Variants in LAMC1 observed in about 807,000 individuals in gnomAD.
The protein encoded by LAMC1 is laminin subunit gamma 1, also known as laminin subunit gamma-1.
Under a neutral mutation model 173.6 loss-of-function variants are expected in LAMC1, and 38 were observed. The ratio of observed to expected loss-of-function variants is 0.22; its 90% CI spans 0.17 to 0.29. The LOEUF (loss-of-function observed/expected upper bound fraction) is 0.29, where lower values mean the gene tolerates loss of function less well. LAMC1 is among the 10% of genes least tolerant of loss of function. The pLI is 1.00. For synonymous variants in LAMC1, 746 were observed against 749.1 expected, an observed-to-expected ratio of 1.00 and a Z score of 0.07; for missense variants, 1,824 against 2,051.8, an observed-to-expected ratio of 0.89 and a Z score of 2.14.
intron 1 of LAMC1, among the ~76,000 whole-genome samples, chr1:183,067,525 G>C (rs573919897): frequency 9.2e-5 from 14 of 152,232 alleles, no homozygotes; most frequent in Non-Finnish European, 2.1e-4. Context: ...GTCTCGCTCT[G>C]TCACCCAGGC....
In LAMC1 at chr1:183,117,313, C is replaced by T. The variant is rs567569452; in HGVS notation, c.1565-7C>T. 3.9e-5 allele frequency: 63 copies of T among 1,599,098 alleles called. No individual in the cohort carries two copies. The highest frequency in any genetic ancestry group is 4.9e-5 in the Non-Finnish European group (57 of 1,168,402). ...AAAGTGCTTGTGTTTTCCTTCTCTA[C>T]CTGCAGATGAGGATGGGTGGCGTGC... On this transcript the variant is annotated splice_region_variant and splice_polypyrimidine_tract_variant and intron_variant, in intron 8 of 27. Coordinates refer to ENST00000258341, the MANE Select transcript of LAMC1 (RefSeq NM_002293.4).
At chr1:183,091,106 C>T (rs774091508) in intron 1 of LAMC1, among the ~76,000 whole-genome samples, 1 of 152,088 alleles carries the variant, frequency 6.6e-6, no homozygotes, top group African/African-American at 2.4e-5. Flanking sequence ...TCTGAATGGA[C>T]TTCCTTCTGC....
At position 183,128,736 on chromosome 1, in the gene LAMC1, C is replaced by A. The variant is rs749786959; in HGVS notation, c.3266C>A (p.Ala1089Asp). 5 of 1,612,748 alleles carry A rather than the reference C, an allele frequency of 3.1e-6. No homozygotes were observed. The highest frequency in any genetic ancestry group is 4.2e-6 in the Non-Finnish European group (5 of 1,179,098). The change falls in exon 18 of 28, where the codon GCC becomes GAC. Residue 1089 changes from alanine to aspartate, a missense_variant. Ala to Asp is a moderately radical substitution (Grantham distance 126, BLOSUM62 -2). Transcript: ENST00000258341. ...EREVMDLLRE[A>D]QDVKDVDQNL... Reference sequence around the variant, plus strand: ...GAAGTTATGGACCTCCTTCGTGAGGCCCAGGATGTCAAAGGTACGCATGAT... The same window carrying A: ...GAAGTTATGGACCTCCTTCGTGAGGACCAGGATGTCAAAGGTACGCATGAT...
At chr1:183,072,290 A>G (rs896205936) in intron 1 of LAMC1, among the ~76,000 whole-genome samples, 2 of 152,212 alleles carry the variant, frequency 1.3e-5, no homozygotes, top group African/African-American at 2.4e-5. Flanking sequence ...GCATGGGGAC[A>G]TTTAATTCAA....
chr1:183,078,132 GT>G (rs960583874), intron 1 of LAMC1, among the ~76,000 whole-genome samples: 2 of 152,034 alleles, frequency 1.3e-5, no homozygotes, highest in Non-Finnish European at 2.9e-5. Flanking sequence ...GTATCCTGTT[GT>G]TTTCTGCATC....
At chr1:183,070,322 G>T (rs1654979681) in intron 1 of LAMC1, among the ~76,000 whole-genome samples, 1 of 152,118 alleles carries the variant, frequency 6.6e-6, no homozygotes, top group Non-Finnish European at 1.5e-5. Flanking sequence ...TAAGTAAAGG[G>T]ACAGGGACCA....
chr1:183,059,876 TGTAG>T, intron 1 of LAMC1, among the ~76,000 whole-genome samples: 1 of 152,338 alleles, frequency 6.6e-6, no homozygotes, highest in Middle Eastern at 3.4e-3. Flanking sequence ...TTTCTCTGAC[TGTAG>T]GTTCCTTGAT....
At chr1:183,040,264 G>T (rs1654092314) in intron 1 of LAMC1, among the ~76,000 whole-genome samples, 1 of 152,194 alleles carries the variant, frequency 6.6e-6, no homozygotes, top group African/African-American at 2.4e-5. Context: ...CAACTGCCTG[G>T]TTACTTCCTC....
intron 1 of LAMC1, among the ~76,000 whole-genome samples, chr1:183,045,929 G>A (rs933165557): frequency 4.6e-5 from 7 of 151,770 alleles, no homozygotes; most frequent in Non-Finnish European, 8.8e-5. Context: ...TTTCCTCTCC[G>A]CAAAATGTCT....
chr1:183,090,105 C>T (rs1655527573), intron 1 of LAMC1, among the ~76,000 whole-genome samples: 1 of 152,094 alleles, frequency 6.6e-6, no homozygotes, highest in South Asian at 2.1e-4. Flanking sequence ...TCTATAAAAC[C>T]AATTCCTCTG....
At position 183,103,571 on chromosome 1, in the gene LAMC1, C is replaced by T; in HGVS notation, c.662C>T (p.Ala221Val). The stretch of plus-strand genomic sequence containing the variant: ...TCTCCCCTCACTGGGGGCAACGTGG[C>T]CTTTTCTACCCTGGAAGGAAGGCCC... ...DISPLTGGNVAFSTLEGRPSA... is the reference protein window; with the variant it reads ...DISPLTGGNVVFSTLEGRPSA... The change falls in exon 2 of 28, where the codon GCC becomes GTC. Residue 221 changes from alanine to valine, a missense_variant. Ala to Val is a moderately conservative substitution (Grantham distance 64, BLOSUM62 0). Coordinates refer to ENST00000258341, the MANE Select transcript of LAMC1 (RefSeq NM_002293.4). 6.2e-7 allele frequency: 1 copy of T among 1,610,392 alleles called. No individual in the cohort carries two copies. The highest frequency in any genetic ancestry group is 8.5e-7 in the Non-Finnish European group (1 of 1,177,896).
At chr1:183,117,501 A>T in intron 9 of LAMC1, 33 bp from the exon 10 acceptor site, 1 of 1,611,910 alleles carries the variant, frequency 6.2e-7, no homozygotes, top group Non-Finnish European at 8.5e-7. Flanking sequence ...TCTCAGTCTC[A>T]CATTCTTGCC....
intron 1 of LAMC1, among the ~76,000 whole-genome samples, chr1:183,052,409 A>G (rs907059431): frequency 3.3e-5 from 5 of 151,740 alleles, no homozygotes; most frequent in South Asian, 2.1e-4. Flanking sequence ...TCTCGGCTCA[A>G]TGCAACCTCT....
intron 4 of LAMC1, among the ~76,000 whole-genome samples, chr1:183,111,378 C>T (rs552993961): frequency 1.3e-5 from 2 of 152,184 alleles, no homozygotes; most frequent in Admixed American, 6.5e-5. Context: ...GGAGCCACTG[C>T]GCCTGGCCGC....
intron 11 of LAMC1, among the ~76,000 whole-genome samples, chr1:183,120,192 G>GAAAAAAAA (rs1553257453): frequency 1.5e-5 from 2 of 137,540 alleles, no homozygotes; most frequent in African/African-American, 2.6e-5. Flanking sequence ...AAAAAAAAAG[G>GAAAAAAAA]TGGCGGGGTG....
At chr1:183,128,951 G>T in intron 18 of LAMC1, 1 of 324,464 alleles carries the variant, frequency 3.1e-6, no homozygotes, top group East Asian at 5.0e-5. Context: ...GTAAGCATAG[G>T]GTGATTTTCC....
chr1:183,137,626 G>T (rs1390981618), intron 25 of LAMC1, 43 bp from the exon 26 acceptor site: 2 of 1,429,616 alleles, frequency 1.4e-6, no homozygotes, highest in East Asian at 2.5e-5. Flanking sequence ...TTGAGAAAAA[G>T]GAAAGCTTTT....
At chr1:183,119,640 T>G (rs1656415491) in intron 11 of LAMC1, among the ~76,000 whole-genome samples, 1 of 151,756 alleles carries the variant, frequency 6.6e-6, no homozygotes, top group Non-Finnish European at 1.5e-5. Context: ...GAGGCTGAGG[T>G]GAGAGGATCA....
Position 183,114,613 on chromosome 1 carries a change from C to G in LAMC1, c.1104C>G (p.Thr368=). 11 of 1,614,162 alleles carry G rather than the reference C, an allele frequency of 6.8e-6. No homozygotes were observed. The highest frequency in any genetic ancestry group is 9.3e-6 in the Non-Finnish European group (11 of 1,180,034). Reference sequence around the variant, plus strand: ...CCACTGGCCATGGGGGCCACTGTACCAACTGCCAGGATAACACAGATGGCG... The same window carrying G: ...CCACTGGCCATGGGGGCCACTGTACGAACTGCCAGGATAACACAGATGGCG... The part of the protein sequence containing the change: ...YRSTGHGGHC[T]NCQDNTDGAH... The change falls in exon 5 of 28, where the codon ACC becomes ACG. Residue 368 remains threonine, a synonymous_variant. Coordinates refer to ENST00000258341, the MANE Select transcript of LAMC1 (RefSeq NM_002293.4).
Sources: allele counts gnomAD v4.1 joint callset (sites outside exome capture counted in the v4.1 genomes callset), GRCh38; gene constraint gnomAD v4.1.1; transcripts MANE v1.5; gene names NCBI Gene and HGNC (gene_info 2026-07-23, HGNC 2026-07-21).